Variants in SUPT5H observed in about 807,000 individuals in gnomAD.
The protein encoded by SUPT5H is transcription elongation factor SPT5.
Under a neutral mutation model 142.5 loss-of-function variants are expected in SUPT5H, and 24 were observed. The observed-to-expected ratio is 0.17, with a 90% CI of 0.12 to 0.24. SUPT5H has a LOEUF of 0.24. Among genes scored for constraint, SUPT5H ranks in the 10% least tolerant of loss-of-function variants. The pLI is 1.00. For missense variants in SUPT5H, 893 were observed against 1,471.8 expected, an observed-to-expected ratio of 0.61 and a Z score of 6.43; for synonymous variants, 546 against 553.0, an observed-to-expected ratio of 0.99 and a Z score of 0.18.
chr19:39,445,838 C>G lies in SUPT5H; in HGVS notation c.-53C>G. On this transcript the variant is annotated 5_prime_UTR_variant, in exon 2 of 30. Coordinates refer to ENST00000432763, the MANE Select transcript of SUPT5H (RefSeq NM_001111020.3). ...GGGGAAACTGAGGCTCGGGGTGGAG[C>G]GCAGGATTGTGGGACGCGCCAAGGC... 1 of 1,593,782 alleles carries G rather than the reference C, an allele frequency of 6.3e-7. No homozygotes were observed. Among genetic ancestry groups the G allele is most frequent in the East Asian group, 2.2e-5 (1 of 44,514 alleles).
chr19:39,461,821 C>CAAAA (rs747295729), intron 10 of SUPT5H, among the ~76,000 whole-genome samples: 16 of 128,330 alleles, frequency 1.2e-4, no homozygotes, highest in South Asian at 5.2e-4. Context: ...GAGACTGTCT[C>CAAAA]AAAAAAAAAA....
At position 39,474,116 on chromosome 19, in the gene SUPT5H, G is replaced by A. The variant is rs1414360433; in HGVS notation, c.2646G>A (p.Pro882=). The part of the protein sequence containing the change: ...PQYNPQTPGT[P]AMYNTDQFSP... The stretch of plus-strand genomic sequence containing the variant: ...ACAACCCGCAGACGCCAGGGACGCC[G>A]GCCATGTGAGTCCACTGGGGCCTGC... Residue 882 remains proline (P), a synonymous_variant, in exon 26 of 30, where the codon CCG becomes CCA. Transcript: ENST00000432763. The surrounding 1 kb of genome is among the most constrained non-coding windows in gnomAD (Gnocchi z 6.5). The A allele has an allele frequency of 6.3e-6, 10 of 1,599,460 alleles. No homozygotes were observed. Among genetic ancestry groups the A allele is most frequent in the Middle Eastern group, 1.7e-4 (1 of 5,998 alleles).
rs756075099 is a variant in SUPT5H at position 39,470,548 on chromosome 19, G to C, written c.1677+25G>C. 1 of 1,495,894 alleles carries C rather than the reference G, an allele frequency of 6.7e-7. No homozygotes were observed. The allele number at this position is 1,495,894 out of a possible 1,614,324, so 92.7% of individuals were successfully genotyped here. On this transcript the variant is annotated intron_variant, in intron 18 of 29. Transcript: ENST00000432763. The surrounding 1 kb of genome is among the most constrained non-coding windows in gnomAD (Gnocchi z 5.8). ...GGTGTGTGTGTTGTGCTCTGTGGCG[G>C]GGACTTGCTTTTAGGAGGCTTCCTG...
chr19:39,466,889 C>A lies in SUPT5H; in HGVS notation c.1037+144C>A. ...CTTGGCAGTATAGCCTCAGGCAAGT[C>A]ACTTCACATCCCTGTGCCTCAGTTT... On this transcript the variant is annotated intron_variant, in intron 13 of 29. Transcript: ENST00000432763. The surrounding 1 kb of genome is among the most constrained non-coding windows in gnomAD (Gnocchi z 4.3). 2.8e-6 allele frequency: 2 copies of A among 717,192 alleles called. No individual in the cohort carries two copies. Among genetic ancestry groups the A allele is most frequent in the Non-Finnish European group, 4.8e-6 (2 of 413,850 alleles). The allele number at this position is 717,192 out of a possible 1,614,324, so 44.4% of individuals were successfully genotyped here.
At position 39,468,952 on chromosome 19, in the gene SUPT5H, C is replaced by G. The variant is rs762062374; in HGVS notation, c.1143+91C>G. ...GGGCTGTGGGTTATCTGGTTCTGTC[C>G]CACTCCTCAAGTTAGGAGTGTTCCC... On this transcript the variant is annotated intron_variant, in intron 14 of 29. Coordinates refer to ENST00000432763, the MANE Select transcript of SUPT5H (RefSeq NM_001111020.3). 842 of 1,538,266 alleles carry G rather than the reference C, an allele frequency of 5.5e-4. 1 individual carries two copies. Among genetic ancestry groups the G allele is most frequent in the Non-Finnish European group, 6.9e-4 (765 of 1,113,544 alleles).
intron 2 of SUPT5H, 104 bp downstream of exon 2, chr19:39,446,069 C>T: frequency 8.1e-7 from 1 of 1,227,052 alleles, no homozygotes; most frequent in Non-Finnish European, 1.2e-6. Context: ...GCTCTGGCTT[C>T]TGGGAACTCC....
chr19:39,472,945 T>G lies in SUPT5H; in HGVS notation c.2155+16T>G. 6.2e-7 allele frequency: 1 copy of G among 1,611,294 alleles called. No homozygotes were observed. Among genetic ancestry groups the G allele is most frequent in the Non-Finnish European group, 8.5e-7 (1 of 1,178,464 alleles). ...CCCTACAAAGGTGACCTGCGAGGCC[T>G]GTGGAGGCCTGGGGAGGGGCATGGT... On this transcript the variant is annotated intron_variant, in intron 22 of 29. Coordinates refer to ENST00000432763, the MANE Select transcript of SUPT5H (RefSeq NM_001111020.3). The surrounding 1 kb of genome is among the most constrained non-coding windows in gnomAD (Gnocchi z 4.2).
At chr19:39,456,897 C>G (rs1411646108) in intron 3 of SUPT5H, among the ~76,000 whole-genome samples, 3 of 152,148 alleles carry the variant, frequency 2.0e-5, no homozygotes, top group Non-Finnish European at 2.9e-5. Flanking sequence ...TATCTCTAGG[C>G]AAGAAACTAG....
intron 2 of SUPT5H, among the ~76,000 whole-genome samples, chr19:39,447,712 C>T (rs2078971140): frequency 7.0e-6 from 1 of 143,626 alleles, no homozygotes; most frequent in African/African-American, 3.0e-5. Flanking sequence ...AGCCACTGCA[C>T]CAAGCCCATT....
intron 3 of SUPT5H, 44 bp from the exon 4 acceptor site, chr19:39,457,631 A>G (rs376588225): frequency 6.2e-5 from 100 of 1,604,548 alleles, no homozygotes; most frequent in Non-Finnish European, 8.1e-5. Context: ...GGGAGCTGTT[A>G]TGAGGTCACC....
chr19:39,472,615 C>T lies in SUPT5H; in HGVS notation c.2035+122C>T. 7.2e-7 allele frequency: 1 copy of T among 1,382,690 alleles called. No homozygotes were observed. Among genetic ancestry groups the T allele is most frequent in the Non-Finnish European group, 9.9e-7 (1 of 1,010,346 alleles). The allele number at this position is 1,382,690 out of a possible 1,614,324, so 85.7% of individuals were successfully genotyped here. A position where few individuals can be genotyped will look rare whatever the true frequency, so the allele number is the denominator to read the frequency against. On this transcript the variant is annotated intron_variant, in intron 21 of 29. Coordinates refer to ENST00000432763, the MANE Select transcript of SUPT5H (RefSeq NM_001111020.3). The surrounding 1 kb of genome is among the most constrained non-coding windows in gnomAD (Gnocchi z 4.2). ...GGGCACTGCTATTAGGGGTTCACCACCCACAGGAGGGTAGACGCCACAGTG... is the reference window on the plus strand; with the variant it reads ...GGGCACTGCTATTAGGGGTTCACCATCCACAGGAGGGTAGACGCCACAGTG...
intron 13 of SUPT5H, 107 bp from the exon 14 acceptor site, chr19:39,468,649 G>T (rs1284309942): frequency 7.3e-6 from 7 of 964,004 alleles, no homozygotes; most frequent in South Asian, 1.4e-5. Context: ...GGATGGGTCA[G>T]TCTGCCTGTG....
intron 10 of SUPT5H, 100 bp downstream of exon 10, chr19:39,460,060 A>G (rs1600707990): frequency 8.0e-7 from 1 of 1,250,578 alleles, no homozygotes; most frequent in Non-Finnish European, 1.2e-6. Flanking sequence ...TGTTGTGAGC[A>G]GAGCTGCCTG....
intron 4 of SUPT5H, 179 bp downstream of exon 4, chr19:39,457,919 A>C: frequency 3.6e-5 from 29 of 810,806 alleles, no homozygotes; most frequent in Non-Finnish European, 5.3e-5. Context: ...TAGGCCCATG[A>C]GTGGGGGGTG....
At chr19:39,453,835 G>A (rs1374662383) in intron 3 of SUPT5H, among the ~76,000 whole-genome samples, 1 of 152,186 alleles carries the variant, frequency 6.6e-6, no homozygotes, top group Admixed American at 6.5e-5. Flanking sequence ...AAAATGCTGG[G>A]ATTACAGGCG....
intron 3 of SUPT5H, 23 bp downstream of exon 3, chr19:39,453,544 T>C (rs1283036285): frequency 2.0e-6 from 3 of 1,484,682 alleles, no homozygotes; most frequent in South Asian, 1.3e-5. Flanking sequence ...GCTTGGCCAG[T>C]GCCGAGCAGA....
At position 39,470,850 on chromosome 19, in the gene SUPT5H, C is replaced by T. The variant is rs1447456971; in HGVS notation, c.1677+327C>T. Among the ~76,000 whole-genome samples the T allele has an allele frequency of 6.6e-6, 1 of 152,124 alleles. No homozygotes were observed. The highest frequency in any genetic ancestry group is 1.5e-5 in the Non-Finnish European group (1 of 68,018). On this transcript the variant is annotated intron_variant, in intron 18 of 29. Coordinates refer to ENST00000432763, the MANE Select transcript of SUPT5H (RefSeq NM_001111020.3). The surrounding 1 kb of genome is among the most constrained non-coding windows in gnomAD (Gnocchi z 5.8). ...TGCCCTCCTGCCTTTGCTCCTTCCT[C>T]ATGGATGTGGGAGTCATGGAGCACA...
chr19:39,472,998 C>G lies in SUPT5H; in HGVS notation c.2156-14C>G, dbSNP rs771452081. On this transcript the variant is annotated splice_polypyrimidine_tract_variant and intron_variant, in intron 22 of 29. Transcript: ENST00000432763. The surrounding 1 kb of genome is among the most constrained non-coding windows in gnomAD (Gnocchi z 4.2). ...AGGAGAGCCTGCCCAGCCTGACCTC[C>G]TGTCCCCCTGCAGGCTACATCGGTG... 1.2e-6 allele frequency: 2 copies of G among 1,613,044 alleles called. No homozygotes were observed. Among genetic ancestry groups the G allele is most frequent in the African/African-American group, 1.3e-5 (1 of 74,884 alleles).
chr19:39,447,661 C>T (rs1036333180), intron 2 of SUPT5H, among the ~76,000 whole-genome samples: 3 of 152,084 alleles, frequency 2.0e-5, no homozygotes, highest in African/African-American at 4.8e-5. Context: ...TCAGGTGATC[C>T]ACCCTCCTTG....
Sources: allele counts gnomAD v4.1 joint callset (sites outside exome capture counted in the v4.1 genomes callset), GRCh38; gene constraint gnomAD v4.1.1; non-coding constraint Gnocchi (gnomAD v3.1); transcripts MANE v1.5; gene names NCBI Gene and HGNC (gene_info 2026-07-23, HGNC 2026-07-21).